Variants in PCDHB3 observed in about 807,000 individuals in gnomAD.
The protein encoded by PCDHB3 is protocadherin beta 3.
For missense variants in PCDHB3, 967 were observed against 1,012.1 expected (o/e 0.96, Z 0.60); for synonymous variants, 479 against 456.0 (o/e 1.05, Z -0.64).
rs782025320 is a variant in PCDHB3, at chr5:141,101,117, T to C, written c.468T>C (p.Asn156=). ...CAGGAACAGTAATTCCTTTGGGAAA[T>C]GCTGAGGACTTGGATGTGGGAAGAA... The part of the protein sequence containing the change: ...TLPGTVIPLG[N]AEDLDVGRNS... Residue 156 remains asparagine, a synonymous_variant, in exon 1 of 1, where the codon AAT becomes AAC. Transcript: ENST00000231130. 2 of 1,614,182 alleles carry C rather than the reference T, an allele frequency of 1.2e-6. No homozygotes were observed. Among genetic ancestry groups the C allele is most frequent in the Non-Finnish European group, 1.7e-6 (2 of 1,180,034 alleles).
chr5:141,103,200 G>T lies in PCDHB3; in HGVS notation c.*160G>T. ...AGGGATGGCTTAGGTTTCATTAACA[G>T]TACTGGAAAGTAGTTGTGTGGCTCT... On this transcript the variant is annotated 3_prime_UTR_variant, in exon 1 of 1. Coordinates refer to ENST00000231130, the MANE Select transcript of PCDHB3 (RefSeq NM_018937.5). 2 of 725,420 alleles carry T rather than the reference G, an allele frequency of 2.8e-6. No homozygotes were observed. Among genetic ancestry groups the T allele is most frequent in the Non-Finnish European group, 4.5e-6 (2 of 449,218 alleles). 44.9% of individuals were successfully genotyped at this position (725,420 alleles called of 1,614,324 possible). A position where few individuals can be genotyped will look rare whatever the true frequency, so the allele number is the denominator to read the frequency against.
chr5:141,102,246 G>T lies in PCDHB3; in HGVS notation c.1597G>T (p.Ala533Ser), dbSNP rs1161082578. Residue 533 changes from alanine (A) to serine (S), a missense_variant, in exon 1 of 1, where the codon GCC becomes TCC. Physicochemically the swap from Ala to Ser is moderately conservative, Grantham distance 99. Transcript: ENST00000231130. Reference sequence around the variant, plus strand: ...GCAGGCGTTCGAGTTCCGCGTGGGCGCCACAGACCGTGGCTCCCCGGCTTT... The same window carrying T: ...GCAGGCGTTCGAGTTCCGCGTGGGCTCCACAGACCGTGGCTCCCCGGCTTT... ...ALQAFEFRVGATDRGSPALSS... is the reference protein window; with the variant it reads ...ALQAFEFRVGSTDRGSPALSS... 1.2e-6 allele frequency: 2 copies of T among 1,612,236 alleles called. No individual in the cohort carries two copies. The highest frequency in any genetic ancestry group is 2.7e-5 in the African/African-American group (2 of 74,896).
At position 141,102,515 on chromosome 5, in the gene PCDHB3, C is replaced by G. The variant is rs771823575; in HGVS notation, c.1866C>G (p.Gly622=). The G allele has an allele frequency of 4.4e-6, 7 of 1,608,572 alleles. No individual in the cohort carries two copies. The highest frequency in any genetic ancestry group is 1.3e-5 in the African/African-American group (1 of 74,864). The change falls in exon 1 of 1, where the codon GGC becomes GGG. Residue 622 remains glycine (G), a synonymous_variant. Coordinates refer to ENST00000231130, the MANE Select transcript of PCDHB3 (RefSeq NM_018937.5). ...TGTTCGGCGTGTGGGCGCACAATGG[C>G]GAAGTGCGCACCGCCAGGCTGCTGA... ...PGLFGVWAHN[G]EVRTARLLSE... is the part of the protein sequence containing the mutation.
chr5:141,103,100 T>A lies in PCDHB3; in HGVS notation c.*60T>A. The stretch of plus-strand genomic sequence containing the variant: ...TAATCTGTGGAAAGTCCTTTTTTAC[T>A]GCTTTGTCCATTGGAGAGGTCTTTT... On this transcript the variant is annotated 3_prime_UTR_variant, in exon 1 of 1. Transcript: ENST00000231130. 1.3e-6 allele frequency: 2 copies of A among 1,536,104 alleles called. No individual in the cohort carries two copies. The highest frequency in any genetic ancestry group is 8.8e-7 in the Non-Finnish European group (1 of 1,142,312).
rs1328326038 is a variant in PCDHB3, at chr5:141,102,164, C to A, written c.1515C>A (p.Ser505=). The change falls in exon 1 of 1, where the codon TCC becomes TCA. Residue 505 remains serine, a synonymous_variant. Transcript: ENST00000231130. ...ACCTGCCCCTCTCTTCCCTGGTCTCCATCAACGCGGACAACGGCCACCTGT... is the reference window on the plus strand; with the variant it reads ...ACCTGCCCCTCTCTTCCCTGGTCTCAATCAACGCGGACAACGGCCACCTGT... ...DPHLPLSSLV[S]INADNGHLFA... The A allele has an allele frequency of 1.2e-6, 2 of 1,612,976 alleles. No homozygotes were observed. The highest frequency in any genetic ancestry group is 2.7e-5 in the African/African-American group (2 of 74,900).
In PCDHB3 at chr5:141,101,162, T is replaced by C. The variant is rs376019502; in HGVS notation, c.513T>C (p.Thr171=). ...DVGRNSLQNY[T]ITPNSHFHVL... ...GAAGAAACAGCCTCCAAAACTACAC[T>C]ATCACTCCGAATTCCCACTTCCACG... Residue 171 remains threonine, a synonymous_variant, in exon 1 of 1, where the codon ACT becomes ACC. Coordinates refer to ENST00000231130, the MANE Select transcript of PCDHB3 (RefSeq NM_018937.5). 5.6e-6 allele frequency: 9 copies of C among 1,614,002 alleles called. No homozygotes were observed. In the African/African-American group the frequency reaches 1.2e-4, roughly 22 times the overall value.
rs781802448 is a variant in PCDHB3 at position 141,102,505 on chromosome 5, C to T, written c.1856C>T (p.Ala619Val). The change falls in exon 1 of 1, where the codon GCG (alanine) becomes GTG (valine). Residue 619 changes from alanine (A) to valine (V), a missense_variant. Ala to Val is a moderately conservative substitution (Grantham distance 64). Coordinates refer to ENST00000231130, the MANE Select transcript of PCDHB3 (RefSeq NM_018937.5). ...GAGCCCGGGCTGTTCGGCGTGTGGG[C>T]GCACAATGGCGAAGTGCGCACCGCC... The part of the protein sequence containing the change: ...ATEPGLFGVW[A>V]HNGEVRTARL... The T allele has an allele frequency of 3.7e-6, 6 of 1,608,550 alleles. No homozygotes were observed. The highest frequency in any genetic ancestry group is 4.5e-5 in the East Asian group (2 of 44,874).
rs1554272623 is a variant in PCDHB3, at chr5:141,102,613, C to T, written c.1964C>T (p.Thr655Ile). Residue 655 changes from threonine (T) to isoleucine (I), a missense_variant, in exon 1 of 1, where the codon ACC (threonine) becomes ATC (isoleucine). Physicochemically the swap from Thr to Ile is moderately conservative, Grantham distance 89. Coordinates refer to ENST00000231130, the MANE Select transcript of PCDHB3 (RefSeq NM_018937.5). ...AATGGCGAGCCTCCGCGCTCGGCCACCGCCACGCTGCATGTGCTCCTGGTG... is the reference window on the plus strand; with the variant it reads ...AATGGCGAGCCTCCGCGCTCGGCCATCGCCACGCTGCATGTGCTCCTGGTG... Reference protein sequence around the residue: ...KDNGEPPRSATATLHVLLVDG... With the variant: ...KDNGEPPRSAIATLHVLLVDG... The T allele has an allele frequency of 6.2e-7, 1 of 1,609,128 alleles. No individual in the cohort carries two copies. Among genetic ancestry groups the T allele is most frequent in the East Asian group, 2.2e-5 (1 of 44,868 alleles).
chr5:141,102,783 C>T lies in PCDHB3; in HGVS notation c.2134C>T (p.Arg712Trp), dbSNP rs551521063. Residue 712 changes from arginine to tryptophan, a missense_variant, in exon 1 of 1, where the codon CGG becomes TGG. Arg to Trp is a moderately radical substitution (Grantham distance 101, BLOSUM62 -3). Coordinates refer to ENST00000231130, the MANE Select transcript of PCDHB3 (RefSeq NM_018937.5). ...TTCGGTGCTCCTGTTCGTGGCGGTG[C>T]GGCTGTGCAGGAGGAGCAGGGCGGC... ...LFSVLLFVAV[R>W]LCRRSRAASV... 35 of 1,612,206 alleles carry T rather than the reference C, an allele frequency of 2.2e-5. No individual in the cohort carries two copies. In the Admixed American group the frequency reaches 5.0e-4, roughly 23 times the overall value.
In PCDHB3 at chr5:141,102,981, G is replaced by T. The variant is rs557515196; in HGVS notation, c.2332G>T (p.Gly778Cys). The change falls in exon 1 of 1, where the codon GGT (glycine) becomes TGT (cysteine). Residue 778 changes from glycine to cysteine, a missense_variant. Coordinates refer to ENST00000231130, the MANE Select transcript of PCDHB3 (RefSeq NM_018937.5). ...KPIIPNFVAQ[G>C]AERVSEANPS... ...AATTATCCCCAACTTCGTTGCTCAG[G>T]GTGCAGAGAGGGTTAGCGAGGCAAA... 1 of 1,602,958 alleles carries T rather than the reference G, an allele frequency of 6.2e-7. No homozygotes were observed. The highest frequency in any genetic ancestry group is 1.7e-5 in the Admixed American group (1 of 58,850).
At position 141,101,928 on chromosome 5, in the gene PCDHB3, G is replaced by C; in HGVS notation, c.1279G>C (p.Gly427Arg). The C allele has an allele frequency of 6.2e-7, 1 of 1,613,984 alleles. No individual in the cohort carries two copies. Among genetic ancestry groups the C allele is most frequent in the African/African-American group, 1.3e-5 (1 of 74,986 alleles). The change falls in exon 1 of 1, where the codon GGG becomes CGG. Residue 427 changes from glycine to arginine, a missense_variant. Physicochemically the swap from Gly to Arg is moderately radical, Grantham distance 125 (BLOSUM62 -2). Transcript: ENST00000231130. ...CATTACCATCACTATCACTGACCTG[G>C]GGACACCCAGGCTGAAAACCAAGTA... ...YNITITITDLGTPRLKTKYNI... is the reference protein window; with the variant it reads ...YNITITITDLRTPRLKTKYNI...
chr5:141,100,545 A>G lies in PCDHB3; in HGVS notation c.-105A>G. The stretch of plus-strand genomic sequence containing the variant: ...CAAGTCTGAGCCTCTGGAAAGGCTT[A>G]TTCACTAGGCCGTCTACAAAGGTTG... On this transcript the variant is annotated 5_prime_UTR_variant, in exon 1 of 1. Coordinates refer to ENST00000231130, the MANE Select transcript of PCDHB3 (RefSeq NM_018937.5). 1 of 909,312 alleles carries G rather than the reference A, an allele frequency of 1.1e-6. No individual in the cohort carries two copies. Among genetic ancestry groups the G allele is most frequent in the South Asian group, 1.7e-5 (1 of 59,818 alleles). 56.3% of individuals were successfully genotyped at this position (909,312 alleles called of 1,614,324 possible).
Position 141,101,099 on chromosome 5 carries a change from A to G in PCDHB3, c.450A>G (p.Thr150=), listed in dbSNP as rs782107362. Residue 150 remains threonine, a synonymous_variant, in exon 1 of 1, where the codon ACA becomes ACG. Coordinates refer to ENST00000231130, the MANE Select transcript of PCDHB3 (RefSeq NM_018937.5). Reference sequence around the variant, plus strand: ...TCCTAGAAAGCACTCTGCCAGGAACAGTAATTCCTTTGGGAAATGCTGAGG... The same window carrying G: ...TCCTAGAAAGCACTCTGCCAGGAACGGTAATTCCTTTGGGAAATGCTGAGG... ...LKILESTLPG[T]VIPLGNAEDL... 1 of 1,614,128 alleles carries G rather than the reference A, an allele frequency of 6.2e-7. No homozygotes were observed. The highest frequency in any genetic ancestry group is 8.5e-7 in the Non-Finnish European group (1 of 1,180,048).
rs1191047191 is a variant in PCDHB3 at position 141,101,457 on chromosome 5, G to GATAC, written c.810_813dup (p.Gly272TyrfsTer16). 2 of 1,614,088 alleles carry GATAC rather than the reference G, an allele frequency of 1.2e-6. No homozygotes were observed. Among genetic ancestry groups the GATAC allele is most frequent in the Non-Finnish European group, 1.7e-6 (2 of 1,180,038 alleles). ...TGTCACTGTCTCGGCTTCTGACTTAGATACAGGAAGTTTTGGGACAATATC... is the reference window on the plus strand; with the variant it reads ...TGTCACTGTCTCGGCTTCTGACTTAGATACATACAGGAAGTTTTGGGACAATATC... On this transcript the variant is annotated frameshift_variant, in exon 1 of 1. Coordinates refer to ENST00000231130, the MANE Select transcript of PCDHB3 (RefSeq NM_018937.5). LOFTEE classifies it low-confidence loss of function (END_TRUNC).
In PCDHB3 at chr5:141,101,322, A is replaced by C. The variant is rs1554272262; in HGVS notation, c.673A>C (p.Thr225Pro). The C allele has an allele frequency of 2.5e-6, 4 of 1,614,172 alleles. No individual in the cohort carries two copies. Among genetic ancestry groups the C allele is most frequent in the Non-Finnish European group, 3.4e-6 (4 of 1,180,036 alleles). Residue 225 changes from threonine to proline, a missense_variant, in exon 1 of 1, where the codon ACA becomes CCA. By Grantham distance (38) the Thr-to-Pro change is conservative. Transcript: ENST00000231130. ...LDGGSPPRSG[T>P]AQINIQVLDI... is the part of the protein sequence containing the mutation. The stretch of plus-strand genomic sequence containing the variant: ...CGGCGGCTCTCCCCCTCGGTCTGGG[A>C]CAGCCCAGATAAACATCCAGGTCTT...
rs183428005 is a variant in PCDHB3 at position 141,100,737 on chromosome 5, T to C, written c.88T>C (p.Ser30Pro). The change falls in exon 1 of 1, where the codon TCA becomes CCA. Residue 30 changes from serine to proline, a missense_variant. Coordinates refer to ENST00000231130, the MANE Select transcript of PCDHB3 (RefSeq NM_018937.5). ...FLGGSLAGSE[S>P]RRYSVAEEKE... ...GGGAGGGTCTCTGGCTGGGTCCGAG[T>C]CAAGACGCTATTCTGTGGCTGAGGA... The C allele has an allele frequency of 1.0e-3, 1,691 of 1,614,020 alleles. 41 individuals carry two copies. In the Admixed American group the frequency reaches 0.027, roughly 25 times the overall value.
chr5:141,101,473 G>T lies in PCDHB3; in HGVS notation c.824G>T (p.Gly275Val). The T allele has an allele frequency of 6.2e-7, 1 of 1,614,090 alleles. No individual in the cohort carries two copies. The highest frequency in any genetic ancestry group is 8.5e-7 in the Non-Finnish European group (1 of 1,180,006). The change falls in exon 1 of 1, where the codon GGG becomes GTG. Residue 275 changes from glycine to valine, a missense_variant. Gly to Val is a moderately radical substitution (Grantham distance 109). Transcript: ENST00000231130. ...TCTGACTTAGATACAGGAAGTTTTG[G>T]GACAATATCATATGCATTTTTTCAT... ...SASDLDTGSFGTISYAFFHAS... is the reference protein window; with the variant it reads ...SASDLDTGSFVTISYAFFHAS...
Position 141,101,910 on chromosome 5 carries a change from A to G in PCDHB3, c.1261A>G (p.Ile421Val). 6.2e-7 allele frequency: 1 copy of G among 1,614,160 alleles called. No homozygotes were observed. Among genetic ancestry groups the G allele is most frequent in the Non-Finnish European group, 8.5e-7 (1 of 1,180,040 alleles). ...GACCAGATCCGAGTACAACATTACCATCACTATCACTGACCTGGGGACACC... is the reference window on the plus strand; with the variant it reads ...GACCAGATCCGAGTACAACATTACCGTCACTATCACTGACCTGGGGACACC... ...RETRSEYNITITITDLGTPRL... is the reference protein window; with the variant it reads ...RETRSEYNITVTITDLGTPRL... The change falls in exon 1 of 1, where the codon ATC becomes GTC. Residue 421 changes from isoleucine to valine, a missense_variant. Coordinates refer to ENST00000231130, the MANE Select transcript of PCDHB3 (RefSeq NM_018937.5).
In PCDHB3 at chr5:141,101,016, A is replaced by G. The variant is rs781860965; in HGVS notation, c.367A>G (p.Ile123Val). Residue 123 changes from isoleucine to valine, a missense_variant, in exon 1 of 1, where the codon ATC (isoleucine) becomes GTC (valine). Physicochemically the swap from Ile to Val is conservative, Grantham distance 29 (BLOSUM62 3). Coordinates refer to ENST00000231130, the MANE Select transcript of PCDHB3 (RefSeq NM_018937.5). ...PLQFVTNELR[I>V]IDVNDHSPVF... ...GCAATTCGTTACAAACGAGCTCCGT[A>G]TCATAGATGTAAATGACCATTCTCC... 1.9e-6 allele frequency: 3 copies of G among 1,614,224 alleles called. No homozygotes were observed. Among genetic ancestry groups the G allele is most frequent in the Admixed American group, 1.7e-5 (1 of 60,036 alleles).
Sources: gnomAD v4.1 joint callset for allele counts on GRCh38, gnomAD v4.1.1 for gene constraint, MANE v1.5 for transcripts, NCBI Gene and HGNC (gene_info 2026-07-23, HGNC 2026-07-21) for gene names.